The following DPH6 variants were observed in gnomAD, a reference collection of about 807,000 sequenced individuals.
DPH6 encodes diphthamine biosynthesis 6, also known as diphthine--ammonia ligase.
DPH6 carries 33 observed loss-of-function variants against 38.2 expected under a neutral mutation model. The ratio of observed to expected loss-of-function variants is 0.86; its 90% CI spans 0.65 to 1.15. The LOEUF (loss-of-function observed/expected upper bound fraction) is 1.15, where lower values mean the gene tolerates loss of function less well. Among genes scored for constraint, DPH6 ranks in the 50% most tolerant of loss-of-function variants. The pLI, the probability that DPH6 is intolerant of heterozygous loss-of-function variation, is 0.00. For missense variants in DPH6, 325 were observed against 320.0 expected, an observed-to-expected ratio of 1.02 and a Z score of -0.12; for synonymous variants, 108 against 103.0, an observed-to-expected ratio of 1.05 and a Z score of -0.30.
In DPH6 at chr15:35,410,964, C is replaced by G. The variant is rs966088046; in HGVS notation, c.506-68G>C. ...GGAACTTTAAAGACACATTCCCCTT[C>G]CCTTGGCCCCTCCTCACCTAGAAAA... is the stretch of plus-strand genomic sequence containing the variant. On this transcript the variant is annotated intron_variant, in intron 5 of 8. Coordinates refer to ENST00000256538, the MANE Select transcript of DPH6 (RefSeq NM_080650.4). 3 of 1,380,738 alleles carry G rather than the reference C, an allele frequency of 2.2e-6. No individual in the cohort carries two copies. The East Asian group carries it at 7.2e-5, about 33-fold the overall frequency. 85.5% of individuals were successfully genotyped at this position (1,380,738 alleles called of 1,614,324 possible). A position where few individuals can be genotyped will look rare whatever the true frequency, so the allele number is the denominator to read the frequency against.
intron 5 of DPH6, among the ~76,000 whole-genome samples, chr15:35,445,395 C>CAA (rs11331685): frequency 0.017 from 2,133 of 125,426 alleles, 57 homozygotes; most frequent in African/African-American, 0.05. Flanking sequence ...TCATCATCAT[C>CAA]AAAAAAAAAA....
chr15:35,189,955 T>A, the DPH6 span, among the ~76,000 whole-genome samples: 7 of 152,236 alleles, frequency 4.6e-5, no homozygotes, highest in East Asian at 1.3e-3. Flanking sequence ...AGACAACATC[T>A]TGTAACAAAG....
At chr15:35,210,614 A>C in the DPH6 span, among the ~76,000 whole-genome samples, 1 of 152,190 alleles carries the variant, frequency 6.6e-6, no homozygotes. Flanking sequence ...AAACCCAGTC[A>C]CATGCTGGGC....
intron 3 of DPH6, among the ~76,000 whole-genome samples, chr15:35,266,888 A>G (rs1456312894): frequency 6.6e-6 from 1 of 152,228 alleles, no homozygotes; most frequent in Non-Finnish European, 1.5e-5. Context: ...CATATATACT[A>G]TAATACATAA....
At chr15:35,229,602 T>C (rs773603754) in intron 3 of DPH6, among the ~76,000 whole-genome samples, 3 of 152,174 alleles carry the variant, frequency 2.0e-5, no homozygotes, top group African/African-American at 7.2e-5. Context: ...TTGATATTTA[T>C]AGATGTTTGT....
chr15:35,153,499 A>G, the DPH6 span, among the ~76,000 whole-genome samples: 3 of 152,178 alleles, frequency 2.0e-5, no homozygotes, highest in South Asian at 2.1e-4. Context: ...TTAACACTCA[A>G]TTAGGACTTT....
chr15:35,259,854 T>C (rs925057354), intron 3 of DPH6, among the ~76,000 whole-genome samples: 5 of 152,198 alleles, frequency 3.3e-5, no homozygotes, highest in East Asian at 1.9e-4. Flanking sequence ...ACACGACAAA[T>C]TGGAAAGAAG....
chr15:35,541,203 A>T (rs897961272), intron 2 of DPH6, among the ~76,000 whole-genome samples: 9 of 152,162 alleles, frequency 5.9e-5, no homozygotes, highest in Non-Finnish European at 1.2e-4. Flanking sequence ...AAATATTTCT[A>T]AACTCTGTCT....
At chr15:35,521,725 T>C (rs2054925569) in intron 3 of DPH6, 2 of 1,231,406 alleles carry the variant, frequency 1.6e-6, no homozygotes, top group African/African-American at 3.1e-5. Flanking sequence ...TCAACTTTAA[T>C]TTATGCAAAG....
chr15:35,347,972 G>A (rs946637199), intron 3 of DPH6, among the ~76,000 whole-genome samples: 2 of 151,924 alleles, frequency 1.3e-5, no homozygotes, highest in Non-Finnish European at 2.9e-5. Flanking sequence ...CAAGTCCTTT[G>A]ACCATTTTAA....
At chr15:35,301,825 T>G (rs1022275862) in intron 3 of DPH6, among the ~76,000 whole-genome samples, 12 of 151,884 alleles carry the variant, frequency 7.9e-5, no homozygotes, top group Non-Finnish European at 1.6e-4. Context: ...ATATAAAAAA[T>G]TAGCTGGGTG....
intron 3 of DPH6, among the ~76,000 whole-genome samples, chr15:35,259,617 T>C (rs770164379): frequency 2.0e-5 from 3 of 152,218 alleles, no homozygotes; most frequent in African/African-American, 4.8e-5. Context: ...AAATATGTGA[T>C]GTCACAATGT....
At chr15:35,160,541 T>C in the DPH6 span, among the ~76,000 whole-genome samples, 1 of 152,022 alleles carries the variant, frequency 6.6e-6, no homozygotes, top group African/African-American at 2.4e-5. Flanking sequence ...GATTTTGTCA[T>C]CCAGGTAGTG....
chr15:35,402,784 TAAGAA>T (rs1236416234), intron 6 of DPH6, among the ~76,000 whole-genome samples: 1 of 152,006 alleles, frequency 6.6e-6, no homozygotes, highest in Non-Finnish European at 1.5e-5. Flanking sequence ...CCTAGGAACT[TAAGAA>T]AATAACCAGA....
chr15:35,269,454 A>G (rs1344152844), intron 3 of DPH6, among the ~76,000 whole-genome samples: 1 of 151,928 alleles, frequency 6.6e-6, no homozygotes, highest in African/African-American at 2.4e-5. Flanking sequence ...GAATTTTAGG[A>G]CTTCATTTTA....
intron 6 of DPH6, among the ~76,000 whole-genome samples, chr15:35,386,895 T>C (rs2052968513): frequency 6.6e-6 from 1 of 152,242 alleles, no homozygotes; most frequent in African/African-American, 2.4e-5. Flanking sequence ...CTTTCGGTGT[T>C]TTAGACATGA....
intron 3 of DPH6, among the ~76,000 whole-genome samples, chr15:35,316,970 C>T (rs2052195262): frequency 6.6e-6 from 1 of 152,120 alleles, no homozygotes; most frequent in Admixed American, 6.6e-5. Flanking sequence ...GCAAAAAACT[C>T]TCTAGGGCTG....
chr15:35,511,518 A>G (rs991962127), intron 3 of DPH6, among the ~76,000 whole-genome samples: 1 of 152,164 alleles, frequency 6.6e-6, no homozygotes, highest in African/African-American at 2.4e-5. Flanking sequence ...AACTGTACAT[A>G]GTGTGAATAT....
At chr15:35,514,915 T>A (rs138545644) in intron 3 of DPH6, among the ~76,000 whole-genome samples, 16 of 152,254 alleles carry the variant, frequency 1.1e-4, no homozygotes, top group African/African-American at 3.9e-4. Context: ...AGATGCCAAG[T>A]CATGAACAAG....
Sources: allele counts gnomAD v4.1 joint callset (sites outside exome capture counted in the v4.1 genomes callset), GRCh38; gene constraint gnomAD v4.1.1; transcripts MANE v1.5; gene names NCBI Gene and HGNC (gene_info 2026-07-23, HGNC 2026-07-21).